The following TRERF1 variants were observed in gnomAD, a reference collection of about 807,000 sequenced individuals.
TRERF1 encodes the protein transcriptional regulating factor 1.
Under a neutral mutation model 122.9 loss-of-function variants are expected in TRERF1, and 27 were observed. The observed-to-expected ratio is 0.22, with a 90% CI of 0.16 to 0.30. The LOEUF (loss-of-function observed/expected upper bound fraction) is 0.30, where lower values mean the gene tolerates loss of function less well. Among genes scored for constraint, TRERF1 ranks in the 10% least tolerant of loss-of-function variants. The pLI is 1.00. For missense variants in TRERF1, 1,248 were observed against 1,560.3 expected (o/e 0.80, Z 3.37); for synonymous variants, 636 against 641.7 (o/e 0.99, Z 0.13).
chr6:42,395,911 ACT>A lies in TRERF1; in HGVS notation c.-453-32834_-453-32833del, dbSNP rs1778499935. 2.0e-5 allele frequency among the ~76,000 whole-genome samples: 3 copies of A among 152,118 alleles called. No individual in the cohort carries two copies. In the South Asian group the frequency reaches 6.2e-4, roughly 31 times the overall value. Reference sequence around the variant, plus strand: ...GATGCCATCAAACTACCTCACGCTCACTGAGACCTGTGGATTGACCACACTGT... The same window carrying A: ...GATGCCATCAAACTACCTCACGCTCAGAGACCTGTGGATTGACCACACTGT... On this transcript the variant is annotated intron_variant, in intron 2 of 17. Transcript: ENST00000372922.
chr6:42,412,158 G>A (rs1447399893), intron 2 of TRERF1, among the ~76,000 whole-genome samples: 1 of 151,940 alleles, frequency 6.6e-6, no homozygotes, highest in Non-Finnish European at 1.5e-5. Context: ...GCGCCACCAT[G>A]CCTGGCTAAT....
At position 42,269,089 on chromosome 6, in the gene TRERF1, T is replaced by C. The variant is rs148701026; in HGVS notation, c.502A>G (p.Thr168Ala). The change falls in exon 5 of 18, where the codon ACT becomes GCT. Residue 168 changes from threonine (T) to alanine (A), a missense_variant. Coordinates refer to ENST00000372922, the Ensembl canonical transcript of TRERF1. The surrounding 1 kb of genome is among the most constrained non-coding windows in gnomAD (Gnocchi z 4.9). Reference sequence around the variant, plus strand: ...GCTCCATCCATCACTGCTGACTGAGTGTGCAGCACCTGGGCCATATTGTTG... The same window carrying C: ...GCTCCATCCATCACTGCTGACTGAGCGTGCAGCACCTGGGCCATATTGTTG... 1 of 1,614,022 alleles carries C rather than the reference T, an allele frequency of 6.2e-7. No individual in the cohort carries two copies. The highest frequency in any genetic ancestry group is 1.3e-5 in the African/African-American group (1 of 74,888).
chr6:42,397,491 C>T (rs1488802228), intron 2 of TRERF1, among the ~76,000 whole-genome samples: 1 of 152,186 alleles, frequency 6.6e-6, no homozygotes, highest in Non-Finnish European at 1.5e-5. Flanking sequence ...ACCTGCCTGA[C>T]AAAATCCCCT....
downstream of TRERF1, chr6:42,225,168 G>A (rs1769341885): frequency 6.7e-6 from 1 of 148,810 alleles, no homozygotes; most frequent in South Asian, 2.1e-4. Context: ...CTTATCACTT[G>A]GAGGGGAAAC....
intron 2 of TRERF1, among the ~76,000 whole-genome samples, chr6:42,447,995 C>T (rs964392390): frequency 7.9e-5 from 12 of 152,274 alleles, no homozygotes; most frequent in Middle Eastern, 3.4e-3. Context: ...TGAGCCACCG[C>T]GCCCAGCCCT....
chr6:42,284,903 T>C (rs1186086917), intron 4 of TRERF1, among the ~76,000 whole-genome samples: 1 of 152,182 alleles, frequency 6.6e-6, no homozygotes, highest in Non-Finnish European at 1.5e-5. Flanking sequence ...GGGGTCCCTG[T>C]GGTGCTCAGA....
chr6:42,376,536 CTT>C (rs781389630), intron 2 of TRERF1, among the ~76,000 whole-genome samples: 604 of 96,222 alleles, frequency 6.3e-3, no homozygotes, highest in African/African-American at 0.014. Context: ...TCGTCTAATT[CTT>C]TTTTTTTTTT....
chr6:42,381,081 C>T (rs141023110), intron 2 of TRERF1, among the ~76,000 whole-genome samples: 1 of 152,246 alleles, frequency 6.6e-6, no homozygotes, highest in African/African-American at 2.4e-5. Flanking sequence ...TCCTGGAGAA[C>T]ATGAACTGTT....
At chr6:42,408,557 T>C (rs1156295300) in intron 2 of TRERF1, among the ~76,000 whole-genome samples, 1 of 151,632 alleles carries the variant, frequency 6.6e-6, no homozygotes, top group East Asian at 1.9e-4. Flanking sequence ...TTTGTATTTT[T>C]AGTAGAGATG....
At chr6:42,313,290 T>C (rs1410666586) in intron 3 of TRERF1, among the ~76,000 whole-genome samples, 2 of 152,138 alleles carry the variant, frequency 1.3e-5, no homozygotes, top group Non-Finnish European at 2.9e-5. Flanking sequence ...ACTCTAAGTA[T>C]GAAGCTCCTG....
chr6:42,337,452 C>T (rs1405457165), intron 3 of TRERF1, among the ~76,000 whole-genome samples: 1 of 152,170 alleles, frequency 6.6e-6, no homozygotes, highest in Non-Finnish European at 1.5e-5. Flanking sequence ...CTGCTCTGCT[C>T]CTATTTATTG....
At chr6:42,262,460 GAGAGA>G in intron 8 of TRERF1, among the ~76,000 whole-genome samples, 1 of 7,226 alleles carries the variant, frequency 1.4e-4, no homozygotes, top group Non-Finnish European at 3.4e-4. Flanking sequence ...GAGAGAGAGA[GAGAGA>G]GGAGAGAGAG....
intron 2 of TRERF1, among the ~76,000 whole-genome samples, chr6:42,407,970 A>G (rs555684831): frequency 1.3e-5 from 2 of 151,504 alleles, no homozygotes; most frequent in Non-Finnish European, 2.9e-5. Flanking sequence ...TTGCCTAACT[A>G]TTCCCTAATT....
exon 1 of TRERF1, chr6:42,452,033 C>G (rs1231486442): frequency 6.6e-6 from 1 of 152,626 alleles, no homozygotes; most frequent in African/African-American, 2.4e-5. Flanking sequence ...TTGCATTGCT[C>G]CCCATCCTCG....
chr6:42,444,844 CAA>C (rs1395788672), intron 2 of TRERF1, among the ~76,000 whole-genome samples: 6 of 152,264 alleles, frequency 3.9e-5, no homozygotes, highest in African/African-American at 1.4e-4. Context: ...CAAATTTTGC[CAA>C]AGAGTTGACT....
intron 2 of TRERF1, among the ~76,000 whole-genome samples, chr6:42,402,592 T>C (rs1779550918): frequency 6.6e-6 from 1 of 152,176 alleles, no homozygotes; most frequent in Admixed American, 6.5e-5. Context: ...GTCATTTCTT[T>C]TGTTATTGTT....
intron 9 of TRERF1, 49 bp from the exon 10 acceptor site, chr6:42,258,250 A>G: frequency 6.4e-7 from 1 of 1,566,648 alleles, no homozygotes. Flanking sequence ...AGGAATGTTG[A>G]AAAAGACTAA....
Position 42,269,633 on chromosome 6 carries a change from A to G in TRERF1, c.-43T>C. 6.3e-7 allele frequency: 1 copy of G among 1,591,790 alleles called. No individual in the cohort carries two copies. Among genetic ancestry groups the G allele is most frequent in the Non-Finnish European group, 8.6e-7 (1 of 1,167,716 alleles). ...TGAACGTCCAGCCACAAAACCATAA[A>G]AAAGGTAAATAAAACAAACCCAAAA... On this transcript the variant is annotated 5_prime_UTR_variant, in exon 5 of 18. Transcript: ENST00000372922. This position sits in a 1 kb window ranked among gnomAD's most constrained non-coding sequence, Gnocchi z 4.9.
intron 3 of TRERF1, among the ~76,000 whole-genome samples, chr6:42,305,746 G>C (rs1004414289): frequency 6.6e-6 from 1 of 152,096 alleles, no homozygotes; most frequent in African/African-American, 2.4e-5. Flanking sequence ...AAAAGGAACA[G>C]GGGGAGGGGG....
Sources: allele counts gnomAD v4.1 joint callset (sites outside exome capture counted in the v4.1 genomes callset), GRCh38; gene constraint gnomAD v4.1.1; non-coding constraint Gnocchi (gnomAD v3.1); transcripts MANE v1.5; gene names NCBI Gene and HGNC (gene_info 2026-07-23, HGNC 2026-07-21).